SOX5: variants seen among roughly 807,000 people sequenced by gnomAD.
The protein encoded by SOX5 is SRY-box transcription factor 5, also known as transcription factor SOX-5.
Under a neutral mutation model 92.0 loss-of-function variants are expected in SOX5, and 9 were observed. That is an observed-to-expected ratio of 0.10 (90% CI 0.06 to 0.17). The LOEUF is 0.17. Ranked by LOEUF, SOX5 falls within the 10% of genes least tolerant of loss-of-function variation. The pLI is 1.00. For missense variants in SOX5, 642 were observed against 944.5 expected, an observed-to-expected ratio of 0.68 and a Z score of 4.20; for synonymous variants, 344 against 336.3, an observed-to-expected ratio of 1.02 and a Z score of -0.25.
intron 4 of SOX5, among the ~76,000 whole-genome samples, chr12:24,188,973 G>A (rs1956269236): frequency 2.6e-5 from 4 of 152,138 alleles, no homozygotes; most frequent in Admixed American, 2.6e-4. Context: ...ATTACCTTCA[G>A]TGATCATGTC....
At chr12:24,352,065 G>A (rs1954156970) in intron 2 of SOX5, among the ~76,000 whole-genome samples, 1 of 152,188 alleles carries the variant, frequency 6.6e-6, no homozygotes, top group Admixed American at 6.5e-5. Flanking sequence ...AAGCAAAGAA[G>A]TCCCACATTG....
intron 4 of SOX5, among the ~76,000 whole-genome samples, chr12:24,193,446 T>C (rs1956718180): frequency 6.6e-6 from 1 of 152,134 alleles, no homozygotes; most frequent in Admixed American, 6.5e-5. Flanking sequence ...ACAGAAACAT[T>C]TGCTATCCTT....
At chr12:24,452,330 G>A (rs1023753800) in intron 1 of SOX5, among the ~76,000 whole-genome samples, 1 of 152,194 alleles carries the variant, frequency 6.6e-6, no homozygotes, top group Non-Finnish European at 1.5e-5. Context: ...AAAATGTGTA[G>A]TTTAAAAAAT....
intron 3 of SOX5, among the ~76,000 whole-genome samples, chr12:23,777,761 A>T (rs772358452): frequency 2.0e-5 from 3 of 152,144 alleles, no homozygotes; most frequent in African/African-American, 7.2e-5. Flanking sequence ...GAAAAAAAAA[A>T]TTGAAAGAAA....
chr12:23,710,538 G>A (rs975434070), intron 6 of SOX5, among the ~76,000 whole-genome samples: 9 of 152,076 alleles, frequency 5.9e-5, no homozygotes, highest in African/African-American at 2.2e-4. Flanking sequence ...ATGGTTTCCA[G>A]CTTCATCCAT....
At position 24,218,656 on chromosome 12, in the gene SOX5, T is replaced by A. The variant is rs551087365; in HGVS notation, c.-76-5239A>T. Among the ~76,000 whole-genome samples, 6 of 152,246 alleles carry A rather than the reference T, an allele frequency of 3.9e-5. No homozygotes were observed. In the East Asian group the frequency reaches 1.2e-3, roughly 29 times the overall value. On this transcript the variant is annotated intron_variant, in intron 3 of 4. Coordinates refer to the SOX5 transcript ENST00000446891. ...CATAAATTATAACTCAACAAACAAGTCTTTTAAAAATTACATACTATGAAA... is the reference window on the plus strand; with the variant it reads ...CATAAATTATAACTCAACAAACAAGACTTTTAAAAATTACATACTATGAAA...
At chr12:24,033,922 T>C (rs954450) in intron 4 of SOX5, among the ~76,000 whole-genome samples, 21,520 of 151,978 alleles carry the variant, frequency 0.14, 2,063 homozygotes, top group African/African-American at 0.28. Flanking sequence ...GATGCTTAGT[T>C]GGGATTTGTC....
intron 1 of SOX5, among the ~76,000 whole-genome samples, chr12:24,545,828 C>T (rs892477312): frequency 6.6e-6 from 1 of 152,154 alleles, no homozygotes; most frequent in Non-Finnish European, 1.5e-5. Context: ...CATCCCACCC[C>T]GATGTTCAGT....
chr12:24,107,638 A>G (rs1441738514), intron 4 of SOX5, among the ~76,000 whole-genome samples: 1 of 152,214 alleles, frequency 6.6e-6, no homozygotes, highest in Non-Finnish European at 1.5e-5. Context: ...AAGCTCCCTA[A>G]GGAAGGGTTT....
At position 23,683,551 on chromosome 12, in the gene SOX5, T is replaced by C. The variant is rs146436641; in HGVS notation, c.811-17987A>G. 6.8e-3 allele frequency among the ~76,000 whole-genome samples: 1,029 copies of C among 152,014 alleles called. 4 individuals are homozygous for C. Among genetic ancestry groups the C allele is most frequent in the South Asian group, 0.022 (105 of 4,820 alleles). ...AGCTACTACTCCTAAAGGTCACATG[T>C]GGTTCTCAATACCACACATGAATTT... On this transcript the variant is annotated intron_variant, in intron 6 of 14. Transcript: ENST00000451604.
chr12:23,726,955 T>C (rs1210760661), intron 6 of SOX5, among the ~76,000 whole-genome samples: 2 of 152,054 alleles, frequency 1.3e-5, no homozygotes, highest in Non-Finnish European at 2.9e-5. Context: ...TAAACAATTA[T>C]CTAAATAGAT....
At chr12:23,853,543 G>GTT (rs67299596) in intron 2 of SOX5, among the ~76,000 whole-genome samples, 15,863 of 128,908 alleles carry the variant, frequency 0.12, 988 homozygotes, top group East Asian at 0.21. Context: ...TGTCTAACGT[G>GTT]TTTTTTTTTT....
chr12:24,491,070 CCTTCT>C (rs1287926938), intron 1 of SOX5, among the ~76,000 whole-genome samples: 188 of 151,924 alleles, frequency 1.2e-3, no homozygotes, highest in African/African-American at 4.4e-3. Context: ...TTCTTTCTTT[CCTTCT>C]TTCTTTCTTT....
intron 1 of SOX5, among the ~76,000 whole-genome samples, chr12:23,933,512 G>C (rs1941898319): frequency 6.6e-6 from 1 of 151,586 alleles, no homozygotes; most frequent in Admixed American, 6.6e-5. Flanking sequence ...TAAATCATGA[G>C]AAAGCATGTA....
intron 2 of SOX5, among the ~76,000 whole-genome samples, chr12:23,891,604 CTTCT>C (rs1419310873): frequency 2.4e-5 from 2 of 81,700 alleles, no homozygotes; most frequent in Admixed American, 1.3e-4. Flanking sequence ...GAAAAGCTGC[CTTCT>C]TTTTTTTTCT....
At chr12:23,630,848 C>T (rs1334008010) in intron 8 of SOX5, among the ~76,000 whole-genome samples, 3 of 151,956 alleles carry the variant, frequency 2.0e-5, no homozygotes, top group Non-Finnish European at 4.4e-5. Context: ...TACTGCCTCT[C>T]ACTAAACAAA....
At chr12:24,136,030 C>T (rs962725671) in intron 4 of SOX5, among the ~76,000 whole-genome samples, 4 of 152,044 alleles carry the variant, frequency 2.6e-5, no homozygotes, top group Non-Finnish European at 5.9e-5. Context: ...TGTGAGGGAT[C>T]GGCAAGATAG....
chr12:24,109,060 G>T (rs954454207), intron 4 of SOX5, among the ~76,000 whole-genome samples: 6 of 152,042 alleles, frequency 3.9e-5, no homozygotes, highest in African/African-American at 7.2e-5. Flanking sequence ...GAAACCTGCA[G>T]ACCTAATGTT....
chr12:23,749,481 T>C (rs1022575951), intron 4 of SOX5, among the ~76,000 whole-genome samples: 2 of 151,888 alleles, frequency 1.3e-5, no homozygotes, highest in Non-Finnish European at 2.9e-5. Flanking sequence ...TGGAAAACTT[T>C]CCATGTTAAG....
Sources: gnomAD v4.1 joint callset for allele counts (sites outside exome capture counted in the v4.1 genomes callset) on GRCh38, gnomAD v4.1.1 for gene constraint, MANE v1.5 for transcripts, NCBI Gene and HGNC (gene_info 2026-07-23, HGNC 2026-07-21) for gene names.